Variants in KCNB2 observed in about 807,000 individuals in gnomAD.
The protein encoded by KCNB2 is potassium voltage-gated channel subfamily B member 2, also known as delayed rectifier potassium channel protein.
Under a neutral mutation model 61.5 loss-of-function variants are expected in KCNB2, and 15 were observed. The ratio of observed to expected loss-of-function variants is 0.24; its 90% CI spans 0.16 to 0.38. The LOEUF is 0.38. KCNB2 is among the 10% of genes least tolerant of loss of function. KCNB2 has a pLI of 1.00. For missense variants in KCNB2, 828 were observed against 1,125.2 expected, an observed-to-expected ratio of 0.74 and a Z score of 3.78; for synonymous variants, 457 against 446.0, an observed-to-expected ratio of 1.02 and a Z score of -0.31.
At chr8:72,683,451 C>T (rs905677402) in intron 2 of KCNB2, among the ~76,000 whole-genome samples, 8 of 152,168 alleles carry the variant, frequency 5.3e-5, no homozygotes, top group Admixed American at 1.3e-4. Flanking sequence ...ATTAAAGAAT[C>T]GAAAGAAGAA....
chr8:72,567,652 G>A lies in KCNB2; in HGVS notation c.-83G>A, dbSNP rs1806643720. On this transcript the variant is annotated 5_prime_UTR_variant, in exon 2 of 3. Coordinates refer to ENST00000523207, the MANE Select transcript of KCNB2 (RefSeq NM_004770.3). ...GTTGCTTTCTTCCAGCTTTGTCAGT[G>A]GAAATGCCTGCCCCAGAGGGATATT... The A allele has an allele frequency of 1.1e-6, 1 of 893,882 alleles. No individual in the cohort carries two copies. Among genetic ancestry groups the A allele is most frequent in the East Asian group, 2.5e-5 (1 of 40,460 alleles). 55.4% of individuals were successfully genotyped at this position (893,882 alleles called of 1,614,324 possible). A position where few individuals can be genotyped will look rare whatever the true frequency, so the allele number is the denominator to read the frequency against.
intron 2 of KCNB2, among the ~76,000 whole-genome samples, chr8:72,803,352 T>C (rs1809161848): frequency 6.6e-6 from 1 of 152,190 alleles, no homozygotes; most frequent in South Asian, 2.1e-4. Flanking sequence ...TGTCTTGTTT[T>C]ATAGCATCTC....
intron 2 of KCNB2, among the ~76,000 whole-genome samples, chr8:72,737,092 A>G (rs1050730229): frequency 5.9e-5 from 9 of 152,052 alleles, no homozygotes; most frequent in Non-Finnish European, 1.2e-4. Context: ...CACACAAGAA[A>G]CCAAGGTGAC....
intron 1 of KCNB2, among the ~76,000 whole-genome samples, chr8:72,550,002 A>G (rs1806319690): frequency 6.6e-6 from 1 of 152,222 alleles, no homozygotes; most frequent in South Asian, 2.1e-4. Context: ...CCCAGGTACC[A>G]GCCATTTTCT....
At chr8:72,678,652 C>T (rs1231341511) in intron 2 of KCNB2, among the ~76,000 whole-genome samples, 6 of 152,212 alleles carry the variant, frequency 3.9e-5, no homozygotes, top group African/African-American at 1.4e-4. Context: ...CTCTATCCTT[C>T]TTGCCTTATT....
chr8:72,748,156 A>G (rs907740850), intron 2 of KCNB2, among the ~76,000 whole-genome samples: 2 of 152,242 alleles, frequency 1.3e-5, no homozygotes, highest in Non-Finnish European at 2.9e-5. Flanking sequence ...GACATGGATT[A>G]TCTTAATTTA....
At chr8:72,730,232 C>T (rs1162664664) in intron 2 of KCNB2, among the ~76,000 whole-genome samples, 1 of 152,140 alleles carries the variant, frequency 6.6e-6, no homozygotes, top group Non-Finnish European at 1.5e-5. Context: ...GCCAAAAGTA[C>T]ATTTATAGTT....
chr8:72,614,636 G>A (rs1805590898), intron 2 of KCNB2, among the ~76,000 whole-genome samples: 2 of 152,158 alleles, frequency 1.3e-5, no homozygotes, highest in Non-Finnish European at 2.9e-5. Flanking sequence ...AACGGCTCCT[G>A]CTCTTATAGG....
At chr8:72,810,343 A>C (rs1160219601) in intron 2 of KCNB2, among the ~76,000 whole-genome samples, 1 of 152,238 alleles carries the variant, frequency 6.6e-6, no homozygotes. Context: ...AGAAACCTGG[A>C]CTGTCGCTGA....
intron 2 of KCNB2, among the ~76,000 whole-genome samples, chr8:72,925,523 G>A (rs1806622590): frequency 6.6e-6 from 1 of 152,162 alleles, no homozygotes; most frequent in Admixed American, 6.6e-5. Flanking sequence ...AAAGAGAAAT[G>A]TTTAAACATA....
Position 72,625,805 on chromosome 8 carries a change from A to G in KCNB2, c.579+57492A>G, listed in dbSNP as rs79098380. On this transcript the variant is annotated intron_variant, in intron 2 of 2. Coordinates refer to ENST00000523207, the MANE Select transcript of KCNB2 (RefSeq NM_004770.3). ...TATCTCAGCATTGACTTACCAGGTG[A>G]TCTTATTCAAGGAAAGAATGGGAGG... 1.2e-3 allele frequency among the ~76,000 whole-genome samples: 186 copies of G among 152,276 alleles called. 4 individuals are homozygous for G. In the East Asian group the frequency reaches 0.034, roughly 28 times the overall value.
intron 2 of KCNB2, among the ~76,000 whole-genome samples, chr8:72,695,811 G>A (rs925936919): frequency 6.6e-6 from 1 of 152,028 alleles, no homozygotes; most frequent in African/African-American, 2.4e-5. Flanking sequence ...CAAAACTTTG[G>A]TCATTATTTA....
In KCNB2 at chr8:72,796,768, C is replaced by T. The variant is rs189758541; in HGVS notation, c.580-139167C>T. ...AATAAATAAGCCAAACAAATATTTT[C>T]GATCTTATAGTAGCTAAAATAATTG... On this transcript the variant is annotated intron_variant, in intron 2 of 2. Transcript: ENST00000523207. Among the ~76,000 whole-genome samples, 257 of 152,220 alleles carry T rather than the reference C, an allele frequency of 1.7e-3. 1 individual carries two copies. The highest frequency in any genetic ancestry group is 5.9e-3 in the African/African-American group (244 of 41,540).
At chr8:72,677,914 T>C (rs1327962500) in intron 2 of KCNB2, among the ~76,000 whole-genome samples, 2 of 152,170 alleles carry the variant, frequency 1.3e-5, no homozygotes, top group Non-Finnish European at 2.9e-5. Flanking sequence ...AAAATACCAC[T>C]ATACCAAGGC....
At chr8:72,716,592 G>A (rs1438104067) in intron 2 of KCNB2, among the ~76,000 whole-genome samples, 3 of 152,104 alleles carry the variant, frequency 2.0e-5, no homozygotes, top group Non-Finnish European at 2.9e-5. Context: ...TGCAGAAAAG[G>A]CCTTTAACAA....
At chr8:72,564,645 A>G (rs895976295) in intron 1 of KCNB2, among the ~76,000 whole-genome samples, 2 of 152,184 alleles carry the variant, frequency 1.3e-5, no homozygotes, top group Non-Finnish European at 2.9e-5. Context: ...ACATATATAT[A>G]TAGTTCATCA....
chr8:72,714,348 C>A (rs964701467), intron 2 of KCNB2, among the ~76,000 whole-genome samples: 2 of 151,696 alleles, frequency 1.3e-5, no homozygotes, highest in African/African-American at 2.4e-5. Flanking sequence ...AACTCCAAGA[C>A]ACATAATTGT....
intron 1 of KCNB2, among the ~76,000 whole-genome samples, chr8:72,555,797 T>C (rs1806417569): frequency 2.0e-5 from 3 of 152,056 alleles, no homozygotes; most frequent in South Asian, 2.1e-4. Context: ...GGTACATGTA[T>C]GTGCACAATG....
chr8:72,887,964 A>C (rs1805833215), intron 2 of KCNB2, among the ~76,000 whole-genome samples: 1 of 152,242 alleles, frequency 6.6e-6, no homozygotes, highest in African/African-American at 2.4e-5. Flanking sequence ...CAATAAACAC[A>C]GTCTGCCTTA....
Sources: gnomAD v4.1 joint callset for allele counts (sites outside exome capture counted in the v4.1 genomes callset) on GRCh38, gnomAD v4.1.1 for gene constraint, MANE v1.5 for transcripts, NCBI Gene and HGNC (gene_info 2026-07-23, HGNC 2026-07-21) for gene names.